The following CREB3L2 variants were observed in gnomAD, a reference collection of about 807,000 sequenced individuals.
The protein encoded by CREB3L2 is cyclic AMP-responsive element-binding protein 3-like protein 2.
In CREB3L2, 23 loss-of-function variants were observed where a neutral mutation model predicts 57.2. The ratio of observed to expected loss-of-function variants is 0.40; its 90% CI spans 0.29 to 0.57. The LOEUF (loss-of-function observed/expected upper bound fraction) is 0.57, where lower values mean the gene tolerates loss of function less well. Among genes scored for constraint, CREB3L2 ranks in the 20% least tolerant of loss-of-function variants. CREB3L2 has a pLI of 0.42. For missense variants in CREB3L2, 628 were observed against 634.7 expected, an observed-to-expected ratio of 0.99 and a Z score of 0.11; for synonymous variants, 268 against 265.1, an observed-to-expected ratio of 1.01 and a Z score of -0.11.
Position 137,876,156 on chromosome 7 carries a change from T to C in CREB3L2, c.*4320A>G. The C allele has an allele frequency of 8.6e-6, 2 of 232,786 alleles. No individual in the cohort carries two copies. The highest frequency in any genetic ancestry group is 3.6e-4 in the South Asian group (2 of 5,522). The allele number at this position is 232,786 out of a possible 1,614,324, so 14.4% of individuals were successfully genotyped here. A position where few individuals can be genotyped will look rare whatever the true frequency, so the allele number is the denominator to read the frequency against. Reference sequence around the variant, plus strand: ...ATGTGCAAATCTGATAGTGGCTCACTTTTAGGAAACCACTTTTGAGCCTTC... The same window carrying C: ...ATGTGCAAATCTGATAGTGGCTCACCTTTAGGAAACCACTTTTGAGCCTTC... On this transcript the variant is annotated 3_prime_UTR_variant, in exon 12 of 12. Coordinates refer to ENST00000330387, the MANE Select transcript of CREB3L2 (RefSeq NM_194071.4).
intron 9 of CREB3L2, 48 bp downstream of exon 9, chr7:137,885,355 G>C: frequency 6.7e-7 from 1 of 1,498,448 alleles, no homozygotes; most frequent in Non-Finnish European, 9.2e-7. Context: ...AGGGGAGACA[G>C]GGGCCAGGCC....
intron 2 of CREB3L2, among the ~76,000 whole-genome samples, chr7:137,924,644 C>G (rs1800410405): frequency 6.6e-6 from 1 of 152,050 alleles, no homozygotes; most frequent in African/African-American, 2.4e-5. Flanking sequence ...CTTCCTTCTT[C>G]CTTTTTTTTT....
chr7:137,957,983 G>T, intron 1 of CREB3L2: 1 of 297,958 alleles, frequency 3.4e-6, no homozygotes, highest in Non-Finnish European at 6.6e-6. Context: ...TCCTAGGCCT[G>T]GCCCACTGAA....
In CREB3L2 at chr7:137,877,922, T is replaced by C. The variant is rs73729087; in HGVS notation, c.*2554A>G. ...GTGTCCTCTTGACCCCATTTTGTCCTCCTAAAGGGACAACTGTTAGTTCCT... is the reference window on the plus strand; with the variant it reads ...GTGTCCTCTTGACCCCATTTTGTCCCCCTAAAGGGACAACTGTTAGTTCCT... On this transcript the variant is annotated 3_prime_UTR_variant, in exon 12 of 12. Coordinates refer to ENST00000330387, the MANE Select transcript of CREB3L2 (RefSeq NM_194071.4). The C allele has an allele frequency of 0.027, 6,180 of 227,958 alleles. 300 individuals are homozygous for C. The highest frequency in any genetic ancestry group is 0.11 in the African/African-American group (5,148 of 45,030). The allele number at this position is 227,958 out of a possible 1,614,324, so 14.1% of individuals were successfully genotyped here.
intron 5 of CREB3L2, among the ~76,000 whole-genome samples, chr7:137,907,057 G>A (rs1047313052): frequency 6.6e-6 from 1 of 152,182 alleles, no homozygotes; most frequent in African/African-American, 2.4e-5. Context: ...AAACGTTTAG[G>A]GCAGGAGATG....
In CREB3L2 at chr7:137,885,498, G is replaced by T. The variant is rs756754073; in HGVS notation, c.1048C>A (p.Leu350Ile). 4.3e-6 allele frequency: 7 copies of T among 1,612,762 alleles called. No individual in the cohort carries two copies. Among genetic ancestry groups the T allele is most frequent in the Non-Finnish European group, 5.9e-6 (7 of 1,178,878 alleles). Residue 350 changes from leucine to isoleucine, a missense_variant, in exon 9 of 12, where the codon CTC becomes ATC. Transcript: ENST00000330387. ...VEVLENTNRTLLQQLQKLQTL... is the reference protein window; with the variant it reads ...VEVLENTNRTILQQLQKLQTL... ...TGAAGCTTCTGGAGTTGCTGAAGGAGAGTCCTGCCAATGATAACAACAGCC... is the reference window on the plus strand; with the variant it reads ...TGAAGCTTCTGGAGTTGCTGAAGGATAGTCCTGCCAATGATAACAACAGCC...
intron 1 of CREB3L2, chr7:137,955,405 C>T: frequency 1.2e-6 from 1 of 818,198 alleles, no homozygotes; most frequent in Non-Finnish European, 1.8e-6. Flanking sequence ...ACGGCCACCT[C>T]ACTCCTCTCC....
intron 1 of CREB3L2, among the ~76,000 whole-genome samples, chr7:137,931,863 G>A (rs1457296767): frequency 6.6e-6 from 1 of 152,142 alleles, no homozygotes; most frequent in Non-Finnish European, 1.5e-5. Context: ...AAAAAAATTT[G>A]AATACAAAAT....
chr7:137,969,172 G>A (rs1801457501), intron 1 of CREB3L2, among the ~76,000 whole-genome samples: 1 of 152,080 alleles, frequency 6.6e-6, no homozygotes, highest in Non-Finnish European at 1.5e-5. Flanking sequence ...TGTGCATGAT[G>A]ATATCAAGAT....
At chr7:137,986,855 G>T (rs896894221) in intron 1 of CREB3L2, among the ~76,000 whole-genome samples, 1 of 152,202 alleles carries the variant, frequency 6.6e-6, no homozygotes, top group African/African-American at 2.4e-5. Flanking sequence ...ATGGTTTTTT[G>T]GCAGCTACGT....
intron 4 of CREB3L2, among the ~76,000 whole-genome samples, chr7:137,910,568 A>C (rs1563248659): frequency 2.0e-5 from 3 of 152,080 alleles, no homozygotes; most frequent in African/African-American, 2.4e-5. Flanking sequence ...TAAAAACAAA[A>C]AAACAAACAA....
At chr7:137,900,401 G>A (rs1222554928) in intron 8 of CREB3L2, among the ~76,000 whole-genome samples, 1 of 152,234 alleles carries the variant, frequency 6.6e-6, no homozygotes, top group Non-Finnish European at 1.5e-5. Context: ...GGCACAGCAA[G>A]TGCTAGAGGA....
chr7:137,945,889 G>T (rs1585648815), intron 1 of CREB3L2, among the ~76,000 whole-genome samples: 1 of 152,132 alleles, frequency 6.6e-6, no homozygotes, highest in Non-Finnish European at 1.5e-5. Context: ...TCCACCTTGA[G>T]CCGCTACAAT....
Position 137,885,405 on chromosome 7 carries a change from T to G in CREB3L2, c.1141A>C (p.Met381Leu). Residue 381 changes from methionine (M) to leucine (L), a missense_variant and splice_region_variant, in exon 9 of 12, where the codon ATG (methionine) becomes CTG (leucine). By Grantham distance (15) the Met-to-Leu change is conservative. Coordinates refer to ENST00000330387, the MANE Select transcript of CREB3L2 (RefSeq NM_194071.4). ...TGCTACCCTGCTGGGAAGCTCACCA[T>G]GAGGCAGGTGCCAGTCTGCGTGCCA... ...LAGTQTGTCL[M>L]VVVLCFAVAF... is the part of the protein sequence containing the mutation. 1 of 1,613,406 alleles carries G rather than the reference T, an allele frequency of 6.2e-7. No homozygotes were observed. Among genetic ancestry groups the G allele is most frequent in the Non-Finnish European group, 8.5e-7 (1 of 1,179,420 alleles).
At chr7:137,886,219 C>T (rs1799416743) in intron 8 of CREB3L2, among the ~76,000 whole-genome samples, 2 of 152,076 alleles carry the variant, frequency 1.3e-5, no homozygotes, top group South Asian at 2.1e-4. Context: ...AAAAGAAGAA[C>T]TCATTTAAGC....
chr7:137,950,376 C>G (rs1221320623), intron 1 of CREB3L2, among the ~76,000 whole-genome samples: 1 of 152,202 alleles, frequency 6.6e-6, no homozygotes, highest in Non-Finnish European at 1.5e-5. Flanking sequence ...GGTATGATTA[C>G]CATCAGTCCA....
intron 1 of CREB3L2, among the ~76,000 whole-genome samples, chr7:137,957,248 A>G (rs982111007): frequency 2.6e-5 from 4 of 152,094 alleles, no homozygotes; most frequent in Non-Finnish European, 5.9e-5. Context: ...CACCCAGGAA[A>G]TCATGTCACT....
In CREB3L2 at chr7:137,908,331, G is replaced by C. The variant is rs575391409; in HGVS notation, c.689C>G (p.Pro230Arg). 8.0e-7 allele frequency: 1 copy of C among 1,257,654 alleles called. No individual in the cohort carries two copies. 77.9% of individuals were successfully genotyped at this position (1,257,654 alleles called of 1,614,324 possible). A position where few individuals can be genotyped will look rare whatever the true frequency, so the allele number is the denominator to read the frequency against. ...AGCTCTGGAGGGGCTGTGGGTCTGA[G>C]GCAGGCTGAAGGGGTGCAGGCGTGG... is the stretch of plus-strand genomic sequence containing the variant. ...PNPRLHPFSL[P>R]QTHSPSRAAP... Residue 230 changes from proline (P) to arginine (R), a missense_variant, in exon 5 of 12, where the codon CCT becomes CGT. Around this residue, in one of 3 missense-constraint regions of CREB3L2, gnomAD observed 339 missense variants for 355.4 expected, o/e 0.95. Coordinates refer to ENST00000330387, the MANE Select transcript of CREB3L2 (RefSeq NM_194071.4).
chr7:137,888,258 C>A (rs1305927812), intron 8 of CREB3L2, among the ~76,000 whole-genome samples: 1 of 152,164 alleles, frequency 6.6e-6, no homozygotes, highest in African/African-American at 2.4e-5. Flanking sequence ...GCCACTTGCA[C>A]CCAGCACCAT....
Sources: gnomAD v4.1 joint callset for allele counts (sites outside exome capture counted in the v4.1 genomes callset) on GRCh38, gnomAD v4.1.1 for gene constraint, gnomAD v4.1.1 regional missense constraint, MANE v1.5 for transcripts, NCBI Gene and HGNC (gene_info 2026-07-23, HGNC 2026-07-21) for gene names.